Variants in BTBD9 observed in about 807,000 individuals in gnomAD.
The protein encoded by BTBD9 is BTB domain containing 9.
BTBD9 carries 49 observed loss-of-function variants against 64.3 expected under a neutral mutation model. The observed-to-expected ratio is 0.76, with a 90% confidence interval of 0.61 to 0.97. The LOEUF is 0.97. Among genes scored for constraint, BTBD9 ranks in the 50% least tolerant of loss-of-function variants. The probability of loss-of-function intolerance (pLI) is 0.00; values close to 1 mark genes in which losing one functional copy is unlikely to be tolerated. For missense variants in BTBD9, 598 were observed against 762.1 expected, an observed-to-expected ratio of 0.78 and a Z score of 2.53; for synonymous variants, 260 against 274.7, an observed-to-expected ratio of 0.95 and a Z score of 0.53.
chr6:38,330,674 G>A (rs1763641520), intron 7 of BTBD9, among the ~76,000 whole-genome samples: 1 of 149,700 alleles, frequency 6.7e-6, no homozygotes. Flanking sequence ...GTGTAGATTT[G>A]CAGCACTAGA....
At chr6:38,593,547 G>T (rs989235656) in intron 3 of BTBD9, among the ~76,000 whole-genome samples, 3 of 152,044 alleles carry the variant, frequency 2.0e-5, no homozygotes, top group Non-Finnish European at 4.4e-5. Flanking sequence ...AAAAAAGCAG[G>T]GACTTAAAGA....
intron 1 of BTBD9, among the ~76,000 whole-genome samples, chr6:38,620,700 C>A (rs1002448705): frequency 6.6e-6 from 1 of 152,270 alleles, no homozygotes; most frequent in African/African-American, 2.4e-5. Context: ...GTAACCAGGG[C>A]CCTCAGCAAA....
rs1776847044 is a variant in BTBD9, at chr6:38,592,567, G to A, written c.814+9C>T. Reference sequence around the variant, plus strand: ...TTCTTGGTTGAGTTTAGGATAGACAGGTACTTACTGAGCATGCCTCTATAA... The same window carrying A: ...TTCTTGGTTGAGTTTAGGATAGACAAGTACTTACTGAGCATGCCTCTATAA... On this transcript the variant is annotated intron_variant, in intron 4 of 10. Transcript: ENST00000481247. The A allele has an allele frequency of 1.2e-6, 2 of 1,613,464 alleles. No homozygotes were observed. Among genetic ancestry groups the A allele is most frequent in the Non-Finnish European group, 1.7e-6 (2 of 1,179,682 alleles).
chr6:38,349,798 G>T (rs1764427975), intron 6 of BTBD9, among the ~76,000 whole-genome samples: 1 of 151,878 alleles, frequency 6.6e-6, no homozygotes, highest in Admixed American at 6.6e-5. Context: ...CACAGGGAGG[G>T]GCTTGTCCTT....
rs771737210 is a variant in BTBD9 at position 38,222,254 on chromosome 6, G to GTTTTTT, written c.1563-29658_1563-29657insAAAAAA. 2.2e-3 allele frequency among the ~76,000 whole-genome samples: 209 copies of GTTTTTT among 96,724 alleles called. 42 individuals carry two copies. Among genetic ancestry groups the GTTTTTT allele is most frequent in the Middle Eastern group, 0.019 (2 of 108 alleles). The allele number at this position is 96,724 out of a possible 152,430, so 63.5% of individuals were successfully genotyped here. A position where few individuals can be genotyped will look rare whatever the true frequency, so the allele number is the denominator to read the frequency against. ...TAAATTAGCCTTAATAATTCATTCA[G>GTTTTTT]TTGTTTTTTTTTTTTTTTTTTTTTT... On this transcript the variant is annotated intron_variant, in intron 9 of 10. Transcript: ENST00000481247.
intron 6 of BTBD9, among the ~76,000 whole-genome samples, chr6:38,537,063 T>G (rs1225818822): frequency 6.6e-6 from 1 of 152,222 alleles, no homozygotes; most frequent in Non-Finnish European, 1.5e-5. Flanking sequence ...ATTGTATGCC[T>G]GTATCAAATA....
At position 38,332,365 on chromosome 6, in the gene BTBD9, A is replaced by G. The variant is rs372053032; in HGVS notation, c.1264+12619T>C. Among the ~76,000 whole-genome samples the G allele has an allele frequency of 4.6e-5, 7 of 152,312 alleles. No individual in the cohort carries two copies. In the South Asian group the frequency reaches 1.5e-3, roughly 32 times the overall value. On this transcript the variant is annotated intron_variant, in intron 7 of 10. Coordinates refer to ENST00000481247, the MANE Select transcript of BTBD9 (RefSeq NM_001099272.2). The stretch of plus-strand genomic sequence containing the variant: ...TAGCATGAGGAAAAAATTTCATGTA[A>G]CTGTTTGCAATTGTTAACTGTCTCA...
At chr6:38,305,251 T>A (rs560515973) in intron 7 of BTBD9, among the ~76,000 whole-genome samples, 2 of 152,196 alleles carry the variant, frequency 1.3e-5, no homozygotes, top group African/African-American at 4.8e-5. Context: ...GACCTAAACA[T>A]TAAAAAGAAA....
Position 38,548,098 on chromosome 6 carries a change from CATTT to C in BTBD9, c.1154+29498_1154+29501del, listed in dbSNP as rs370320712. Among the ~76,000 whole-genome samples, 162 of 152,292 alleles carry C rather than the reference CATTT, an allele frequency of 1.1e-3. 1 individual carries two copies. Among genetic ancestry groups the C allele is most frequent in the African/African-American group, 3.5e-3 (147 of 41,580 alleles). The stretch of plus-strand genomic sequence containing the variant: ...CTATTATACCCTTATTTTTTATACT[CATTT>C]AGTTACCTCTGATTCAAAATTATGT... On this transcript the variant is annotated intron_variant, in intron 6 of 10. Transcript: ENST00000481247.
At chr6:38,428,202 A>T (rs1462510047) in intron 6 of BTBD9, among the ~76,000 whole-genome samples, 1 of 151,822 alleles carries the variant, frequency 6.6e-6, no homozygotes, top group Non-Finnish European at 1.5e-5. Context: ...TTCATGAAGG[A>T]CCTTTTAAAA....
At chr6:38,443,542 C>G (rs1294424915) in intron 6 of BTBD9, among the ~76,000 whole-genome samples, 1 of 152,200 alleles carries the variant, frequency 6.6e-6, no homozygotes, top group Non-Finnish European at 1.5e-5. Context: ...TCCAAAATAG[C>G]TTCTCCACCA....
chr6:38,591,907 G>A (rs1252631067), intron 4 of BTBD9, among the ~76,000 whole-genome samples: 6 of 151,950 alleles, frequency 3.9e-5, no homozygotes, highest in South Asian at 2.1e-4. Context: ...ATGTTCAGCC[G>A]GGCGTGGTGG....
In BTBD9 at chr6:38,169,720, G is replaced by GT. The variant is rs910787976; in HGVS notation, c.*5264_*5265insA. 1 of 152,266 alleles carries GT rather than the reference G, an allele frequency of 6.6e-6. No homozygotes were observed. The highest frequency in any genetic ancestry group is 2.4e-5 in the African/African-American group (1 of 41,436). The allele number at this position is 152,266 out of a possible 1,614,324, so 9.4% of individuals were successfully genotyped here. The stretch of plus-strand genomic sequence containing the variant: ...CTGTCAACCAGGGGACACTAGTGGG[G>GT]ACAGGTGTGTAGCTCCTGGCTGCAG... On this transcript the variant is annotated 3_prime_UTR_variant, in exon 11 of 11. Coordinates refer to ENST00000481247, the MANE Select transcript of BTBD9 (RefSeq NM_001099272.2).
chr6:38,293,901 A>C (rs568828901), intron 7 of BTBD9, among the ~76,000 whole-genome samples: 2 of 152,352 alleles, frequency 1.3e-5, no homozygotes, highest in African/African-American at 4.8e-5. Context: ...GAATGGGAGA[A>C]AATTTTTGCA....
At chr6:38,259,315 C>A (rs1023214977) in intron 8 of BTBD9, among the ~76,000 whole-genome samples, 1 of 152,186 alleles carries the variant, frequency 6.6e-6, no homozygotes, top group African/African-American at 2.4e-5. Flanking sequence ...ATCCTTTGCA[C>A]AAGTTCAGTT....
At chr6:38,238,563 C>T (rs950246018) in intron 9 of BTBD9, among the ~76,000 whole-genome samples, 3 of 150,290 alleles carry the variant, frequency 2.0e-5, no homozygotes. Flanking sequence ...AGCTCCACCT[C>T]CCGGGTTCAC....
At chr6:38,440,539 G>C (rs1768978910) in intron 6 of BTBD9, among the ~76,000 whole-genome samples, 1 of 152,150 alleles carries the variant, frequency 6.6e-6, no homozygotes, top group Non-Finnish European at 1.5e-5. Context: ...GTTTCAGAAA[G>C]AACACAACCA....
intron 6 of BTBD9, among the ~76,000 whole-genome samples, chr6:38,502,489 A>C (rs983503883): frequency 3.3e-5 from 5 of 152,332 alleles, no homozygotes; most frequent in African/African-American, 1.2e-4. Flanking sequence ...GACCAGTACC[A>C]TTTGCTCTGA....
At chr6:38,249,784 C>A (rs980527309) in intron 9 of BTBD9, among the ~76,000 whole-genome samples, 1 of 148,332 alleles carries the variant, frequency 6.7e-6, no homozygotes. Flanking sequence ...GTATATAAGA[C>A]TCAAGGAAAA....
Sources: gnomAD v4.1 joint callset for allele counts (sites outside exome capture counted in the v4.1 genomes callset) on GRCh38, gnomAD v4.1.1 for gene constraint, MANE v1.5 for transcripts, NCBI Gene and HGNC (gene_info 2026-07-23, HGNC 2026-07-21) for gene names.